Variants in SNX29 observed in about 807,000 individuals in gnomAD.
SNX29 encodes sorting nexin-29.
SNX29 carries 78 observed loss-of-function variants against 102.1 expected under a neutral mutation model. The ratio of observed to expected loss-of-function variants is 0.76; its 90% CI spans 0.64 to 0.92. The LOEUF is 0.92. Among genes scored for constraint, SNX29 ranks in the 40% least tolerant of loss-of-function variants. SNX29 has a pLI of 0.00. For missense variants in SNX29, 1,280 were observed against 1,061.7 expected (o/e 1.21, Z -2.86); for synonymous variants, 580 against 414.5 (o/e 1.40, Z -4.85).
chr16:12,342,179 G>A (rs142819378), intron 15 of SNX29, among the ~76,000 whole-genome samples: 12 of 152,320 alleles, frequency 7.9e-5, no homozygotes, highest in Middle Eastern at 3.4e-3. Flanking sequence ...CCTTCACTGC[G>A]TATATCATGG....
At chr16:12,562,915 TCCATGTTG>T (rs2078810378) in intron 20 of SNX29, among the ~76,000 whole-genome samples, 1 of 152,102 alleles carries the variant, frequency 6.6e-6, no homozygotes, top group African/African-American at 2.4e-5. Flanking sequence ...TTGAGATTCG[TCCATGTTG>T]CCAAAAACCT....
intron 14 of SNX29, among the ~76,000 whole-genome samples, chr16:12,211,400 G>A (rs923254140): frequency 6.6e-6 from 1 of 152,118 alleles, no homozygotes; most frequent in African/African-American, 2.4e-5. Context: ...GCTGGGCCCC[G>A]GGGTAGCTTT....
chr16:12,053,059 G>C (rs573389992), intron 8 of SNX29: 1 of 152,316 alleles, frequency 6.6e-6, no homozygotes, highest in African/African-American at 2.4e-5. Flanking sequence ...GGGACACCAA[G>C]GTGGGTGGAT....
At chr16:12,235,820 T>C (rs2077913877) in intron 14 of SNX29, among the ~76,000 whole-genome samples, 1 of 152,048 alleles carries the variant, frequency 6.6e-6, no homozygotes, top group South Asian at 2.1e-4. Context: ...TATGTGTATG[T>C]GTGTGTGTGC....
chr16:12,273,677 A>C lies in SNX29; in HGVS notation c.1679-4256A>C, dbSNP rs192378180. Among the ~76,000 whole-genome samples, 562 of 152,092 alleles carry C rather than the reference A, an allele frequency of 3.7e-3. 1 individual carries two copies. The highest frequency in any genetic ancestry group is 6.8e-3 in the Non-Finnish European group (463 of 67,984). On this transcript the variant is annotated intron_variant, in intron 14 of 20. Transcript: ENST00000566228. The stretch of plus-strand genomic sequence containing the variant: ...CCGACCCTCAGTGGTTTTTATATTC[A>C]CAAATTGTGCAACCATCGCCACTCT...
At chr16:12,295,586 T>A (rs1567408618) in intron 15 of SNX29, among the ~76,000 whole-genome samples, 1 of 152,208 alleles carries the variant, frequency 6.6e-6, no homozygotes. Flanking sequence ...TTGGAGTGAC[T>A]CACAGGTTCC....
intron 19 of SNX29, among the ~76,000 whole-genome samples, chr16:12,519,867 G>A (rs1172356823): frequency 1.3e-5 from 2 of 152,208 alleles, no homozygotes; most frequent in Non-Finnish European, 2.9e-5. Context: ...AATTAGCTAG[G>A]CATGGTGGTG....
intron 19 of SNX29, among the ~76,000 whole-genome samples, chr16:12,515,757 T>C (rs909498424): frequency 2.6e-5 from 4 of 152,058 alleles, no homozygotes; most frequent in Non-Finnish European, 5.9e-5. Flanking sequence ...GCCAATACGT[T>C]CCTTCAAGGC....
chr16:12,209,156 C>A (rs2077119735), intron 14 of SNX29, among the ~76,000 whole-genome samples: 1 of 152,140 alleles, frequency 6.6e-6, no homozygotes, highest in Non-Finnish European at 1.5e-5. Flanking sequence ...GCAGGTATTC[C>A]CTGTGAAACT....
intron 13 of SNX29, among the ~76,000 whole-genome samples, chr16:12,147,608 T>C (rs1383715323): frequency 2.0e-5 from 3 of 151,950 alleles, no homozygotes; most frequent in Non-Finnish European, 2.9e-5. Context: ...TTCCGAGAAA[T>C]GGTTGGAATG....
chr16:12,537,154 G>A (rs534240896), intron 20 of SNX29, among the ~76,000 whole-genome samples: 2 of 152,184 alleles, frequency 1.3e-5, no homozygotes, highest in South Asian at 4.1e-4. Context: ...TGGGACTCTG[G>A]GATCTTGTTA....
At chr16:12,302,642 G>A (rs2080213415) in intron 15 of SNX29, among the ~76,000 whole-genome samples, 1 of 152,166 alleles carries the variant, frequency 6.6e-6, no homozygotes, top group African/African-American at 2.4e-5. Flanking sequence ...GCCTCCCAAA[G>A]GCCCTGCTCT....
intron 14 of SNX29, among the ~76,000 whole-genome samples, chr16:12,200,522 G>A (rs1432473620): frequency 2.7e-5 from 4 of 150,422 alleles, no homozygotes; most frequent in East Asian, 1.9e-4. Context: ...TCACTCTACC[G>A]CCCAGGATGG....
intron 13 of SNX29, among the ~76,000 whole-genome samples, chr16:12,183,001 C>A (rs2076425486): frequency 6.8e-6 from 1 of 146,896 alleles, no homozygotes. Flanking sequence ...ATTCATCACT[C>A]TTTTTTCATG....
chr16:12,385,291 C>T (rs1342066034), intron 16 of SNX29, among the ~76,000 whole-genome samples: 1 of 152,192 alleles, frequency 6.6e-6, no homozygotes, highest in Non-Finnish European at 1.5e-5. Context: ...CTTGACAGAC[C>T]CACGTCTGGG....
Position 12,572,777 on chromosome 16 carries a change from A to C in SNX29, c.*4148A>C, listed in dbSNP as rs1039910103. 56 of 1,063,440 alleles carry C rather than the reference A, an allele frequency of 5.3e-5. No homozygotes were observed. Among genetic ancestry groups the C allele is most frequent in the South Asian group, 9.1e-5 (2 of 21,970 alleles). 65.9% of individuals were successfully genotyped at this position (1,063,440 alleles called of 1,614,324 possible). A position where few individuals can be genotyped will look rare whatever the true frequency, so the allele number is the denominator to read the frequency against. On this transcript the variant is annotated 3_prime_UTR_variant, in exon 21 of 21. Coordinates refer to ENST00000566228, the MANE Select transcript of SNX29 (RefSeq NM_032167.5). ...GCTTCTGGGACCCGAGGAAGACCCC[A>C]CCTCACTCCTCCTTCCCCAGTACAT...
rs570522462 is a variant in SNX29 at position 12,572,703 on chromosome 16, C to T, written c.*4074C>T. ...GGGAAGCCCTGCACTCCAGCAGCAT[C>T]TTCCAGCCTTGGCACAGAACTGATG... On this transcript the variant is annotated 3_prime_UTR_variant, in exon 21 of 21. Transcript: ENST00000566228. The T allele has an allele frequency of 8.7e-5, 93 of 1,063,944 alleles. No individual in the cohort carries two copies. Among genetic ancestry groups the T allele is most frequent in the South Asian group, 2.3e-4 (5 of 21,972 alleles). 65.9% of individuals were successfully genotyped at this position (1,063,944 alleles called of 1,614,324 possible). A position where few individuals can be genotyped will look rare whatever the true frequency, so the allele number is the denominator to read the frequency against.
chr16:12,161,046 G>A (rs979964925), intron 13 of SNX29, among the ~76,000 whole-genome samples: 2 of 152,162 alleles, frequency 1.3e-5, no homozygotes, highest in African/African-American at 2.4e-5. Flanking sequence ...ACCCACACCC[G>A]AGTACATTTT....
chr16:11,976,927 C>T (rs2055313407), intron 1 of SNX29, 114 bp downstream of exon 1: 3 of 1,246,266 alleles, frequency 2.4e-6, no homozygotes, highest in Non-Finnish European at 2.0e-6. Flanking sequence ...GACCCCCTCC[C>T]AGTCGCTCCC....
Sources: gnomAD v4.1 joint callset for allele counts (sites outside exome capture counted in the v4.1 genomes callset) on GRCh38, gnomAD v4.1.1 for gene constraint, MANE v1.5 for transcripts, NCBI Gene and HGNC (gene_info 2026-07-23, HGNC 2026-07-21) for gene names.